Variants in FNBP1L observed in about 807,000 individuals in gnomAD.
FNBP1L encodes the protein formin binding protein 1 like, also known as formin-binding protein 1-like.
Under a neutral mutation model 91.2 loss-of-function variants are expected in FNBP1L, and 36 were observed. The observed-to-expected ratio is 0.39, with a 90% confidence interval of 0.30 to 0.52. The LOEUF (loss-of-function observed/expected upper bound fraction) is 0.52. Ranked by LOEUF, FNBP1L falls within the 20% of genes least tolerant of loss-of-function variation. The pLI is 0.66. For missense variants in FNBP1L, 571 were observed against 732.1 expected, an observed-to-expected ratio of 0.78 and a Z score of 2.54; for synonymous variants, 242 against 237.0, an observed-to-expected ratio of 1.02 and a Z score of -0.19.
chr1:93,534,285 T>A (rs1671776405), intron 8 of FNBP1L, among the ~76,000 whole-genome samples: 1 of 152,132 alleles, frequency 6.6e-6, no homozygotes, highest in Admixed American at 6.6e-5. Context: ...TCTTTCCTCA[T>A]TCCAAAGATT....
intron 1 of FNBP1L, among the ~76,000 whole-genome samples, chr1:93,494,439 T>C (rs1670198312): frequency 6.6e-6 from 1 of 152,182 alleles, no homozygotes; most frequent in South Asian, 2.1e-4. Context: ...TATTGTTGAT[T>C]AAATTCAGTC....
chr1:93,548,707 C>T (rs960189247), intron 14 of FNBP1L, among the ~76,000 whole-genome samples: 1 of 152,032 alleles, frequency 6.6e-6, no homozygotes, highest in Non-Finnish European at 1.5e-5. Flanking sequence ...AAGCTCTAGG[C>T]GAGTATTCCT....
intron 2 of FNBP1L, among the ~76,000 whole-genome samples, chr1:93,500,938 A>C (rs1335789415): frequency 1.3e-5 from 2 of 152,232 alleles, no homozygotes; most frequent in Non-Finnish European, 1.5e-5. Context: ...GCCTATTAGT[A>C]TATTAATAAT....
In FNBP1L at chr1:93,498,049, G is replaced by A. The variant is rs116106169; in HGVS notation, c.25-1419G>A. Among the ~76,000 whole-genome samples, 587 of 150,820 alleles carry A rather than the reference G, an allele frequency of 3.9e-3. 1 individual carries two copies. Among genetic ancestry groups the A allele is most frequent in the African/African-American group, 0.013 (529 of 41,140 alleles). ...ATTTCTATTGTGATTTCATAACTAC[G>A]TAATTCAATAGTATATCATTTAATA... On this transcript the variant is annotated intron_variant, in intron 1 of 16. Coordinates refer to ENST00000271234, the MANE Select transcript of FNBP1L (RefSeq NM_001164473.3).
intron 6 of FNBP1L, among the ~76,000 whole-genome samples, chr1:93,530,301 C>T (rs976998362): frequency 6.6e-6 from 1 of 152,046 alleles, no homozygotes; most frequent in Admixed American, 6.6e-5. Context: ...ATTTAAGTTC[C>T]ATATTTTAGT....
intron 1 of FNBP1L, among the ~76,000 whole-genome samples, chr1:93,456,757 G>A (rs1668679837): frequency 6.6e-6 from 1 of 151,314 alleles, no homozygotes; most frequent in Non-Finnish European, 1.5e-5. Context: ...TAGCTTGGGT[G>A]ATAGAGCAAG....
chr1:93,448,342 G>A (rs1374347558), intron 1 of FNBP1L, 37 bp downstream of exon 1: 10 of 1,480,638 alleles, frequency 6.8e-6, no homozygotes, highest in Non-Finnish European at 8.9e-6. Context: ...ACGGACCCCG[G>A]CCCCTGAGAA....
chr1:93,541,066 A>C lies in FNBP1L; in HGVS notation c.1164+10A>C. The C allele has an allele frequency of 6.5e-7, 1 of 1,536,090 alleles. No individual in the cohort carries two copies. The highest frequency in any genetic ancestry group is 1.4e-5 in the African/African-American group (1 of 73,142). ...GTGGTCGGTGAAGATGGTAAGCCTT[A>C]TGTGCTGATCTATATACTGTGCCAA... On this transcript the variant is annotated intron_variant, in intron 11 of 16. Coordinates refer to ENST00000271234, the MANE Select transcript of FNBP1L (RefSeq NM_001164473.3).
At position 93,534,882 on chromosome 1, in the gene FNBP1L, T is replaced by C; in HGVS notation, c.964T>C (p.Leu322=). The C allele has an allele frequency of 6.4e-7, 1 of 1,572,498 alleles. No individual in the cohort carries two copies. Among genetic ancestry groups the C allele is most frequent in the African/African-American group, 1.3e-5 (1 of 74,078 alleles). ...KTTVGKAKGK[L]WLFGKKPKPQ... ...CACAGTAGGAAAGGCCAAGGGCAAA[T>C]TGTGGCTCTTTGGAAAGAAGCCAAA... Residue 322 remains leucine (L), a synonymous_variant, in exon 9 of 17, where the codon TTG becomes CTG. Coordinates refer to ENST00000271234, the MANE Select transcript of FNBP1L (RefSeq NM_001164473.3).
intron 1 of FNBP1L, among the ~76,000 whole-genome samples, chr1:93,482,170 A>G (rs1191980470): frequency 6.6e-6 from 1 of 152,184 alleles, no homozygotes; most frequent in Non-Finnish European, 1.5e-5. Context: ...TCAAAAATAA[A>G]TAAATAAGTA....
chr1:93,547,039 G>C, intron 13 of FNBP1L, 65 bp downstream of exon 13: 1 of 1,477,040 alleles, frequency 6.8e-7, no homozygotes, highest in Non-Finnish European at 9.1e-7. Context: ...TGATAGATTG[G>C]TTTTTGTTAG....
At chr1:93,492,503 G>A (rs998409320) in intron 1 of FNBP1L, among the ~76,000 whole-genome samples, 1 of 152,150 alleles carries the variant, frequency 6.6e-6, no homozygotes, top group Admixed American at 6.5e-5. Flanking sequence ...TATTTAAAAT[G>A]TGAGTTGATA....
chr1:93,464,353 C>T (rs1161378815), intron 1 of FNBP1L, among the ~76,000 whole-genome samples: 2 of 152,092 alleles, frequency 1.3e-5, no homozygotes, highest in Non-Finnish European at 2.9e-5. Context: ...AATATAGGAA[C>T]CTTAAATCTG....
chr1:93,547,576 A>G (rs1278652141), intron 14 of FNBP1L, 135 bp downstream of exon 14: 1 of 695,094 alleles, frequency 1.4e-6, no homozygotes, highest in African/African-American at 1.8e-5. Context: ...TTTTGAACCT[A>G]AGTAATTTTC....
intron 2 of FNBP1L, among the ~76,000 whole-genome samples, chr1:93,518,079 A>G (rs993124163): frequency 2.6e-5 from 4 of 152,132 alleles, no homozygotes; most frequent in African/African-American, 9.7e-5. Flanking sequence ...TGTTTCTGTT[A>G]TTGTCTTTAC....
chr1:93,469,919 C>T (rs767629696), intron 1 of FNBP1L, among the ~76,000 whole-genome samples: 1 of 152,134 alleles, frequency 6.6e-6, no homozygotes, highest in African/African-American at 2.4e-5. Flanking sequence ...ATGATCATGT[C>T]ACTGCACCAC....
chr1:93,511,256 C>T (rs1482070273), intron 2 of FNBP1L, among the ~76,000 whole-genome samples: 1 of 152,312 alleles, frequency 6.6e-6, no homozygotes, highest in East Asian at 1.9e-4. Context: ...CAGCTGATCT[C>T]TCAGCAGAAA....
At chr1:93,550,888 G>A (rs763388908) in intron 15 of FNBP1L, 59 bp from the exon 16 acceptor site, 287 of 1,430,030 alleles carry the variant, frequency 2.0e-4, no homozygotes, top group Non-Finnish European at 2.5e-4. Flanking sequence ...CATTGTATTA[G>A]TAACTTTAAA....
At chr1:93,472,638 C>T (rs943521683) in intron 1 of FNBP1L, among the ~76,000 whole-genome samples, 1 of 151,574 alleles carries the variant, frequency 6.6e-6, no homozygotes, top group East Asian at 1.9e-4. Context: ...CAGTGAAACC[C>T]CGTCTGTACT....
Sources: gnomAD v4.1 joint callset for allele counts (sites outside exome capture counted in the v4.1 genomes callset) on GRCh38, gnomAD v4.1.1 for gene constraint, MANE v1.5 for transcripts, NCBI Gene and HGNC (gene_info 2026-07-23, HGNC 2026-07-21) for gene names.